Variants in FNIP1 observed in about 807,000 individuals in gnomAD.
FNIP1 encodes the protein folliculin-interacting protein 1.
In FNIP1, 40 loss-of-function variants were observed where a neutral mutation model predicts 124.5. The ratio of observed to expected loss-of-function variants is 0.32; its 90% CI spans 0.25 to 0.42. The LOEUF (loss-of-function observed/expected upper bound fraction) is 0.42, where lower values mean the gene tolerates loss of function less well. FNIP1 is among the 10% of genes least tolerant of loss of function. FNIP1 has a pLI of 1.00. For synonymous variants in FNIP1, 472 were observed against 470.6 expected, an observed-to-expected ratio of 1.00 and a Z score of -0.04; for missense variants, 1,176 against 1,403.7, an observed-to-expected ratio of 0.84 and a Z score of 2.59.
intron 2 of FNIP1, among the ~76,000 whole-genome samples, chr5:131,737,838 G>C (rs1770365626): frequency 6.6e-6 from 1 of 152,160 alleles, no homozygotes; most frequent in Non-Finnish European, 1.5e-5. Context: ...AGTTCCATGA[G>C]GAAAAGGACT....
At chr5:131,776,996 A>ATGAGGTGGGAGGATCGCT (rs1420809335) in intron 1 of FNIP1, among the ~76,000 whole-genome samples, 2 of 152,044 alleles carry the variant, frequency 1.3e-5, no homozygotes, top group African/African-American at 2.4e-5. Flanking sequence ...CTCTGGGAGG[A>ATGAGGTGGGAGGATCGCT]TGAGGTGGGA....
At chr5:131,775,108 T>A (rs1345701807) in intron 1 of FNIP1, among the ~76,000 whole-genome samples, 4 of 152,220 alleles carry the variant, frequency 2.6e-5, no homozygotes, top group Admixed American at 6.5e-5. Flanking sequence ...AAAATACTTA[T>A]GATCAAAGAA....
intron 12 of FNIP1, among the ~76,000 whole-genome samples, chr5:131,678,602 A>G (rs867361344): frequency 3.0e-4 from 23 of 77,890 alleles, no homozygotes; most frequent in African/African-American, 1.1e-3. Flanking sequence ...TAGTAGAGAC[A>G]GGGTTTCACC....
Position 131,671,990 on chromosome 5 carries a change from G to C in FNIP1, c.2454C>G (p.Pro818=). The C allele has an allele frequency of 1.2e-6, 2 of 1,614,118 alleles. No homozygotes were observed. The highest frequency in any genetic ancestry group is 1.7e-6 in the Non-Finnish European group (2 of 1,180,014). The part of the protein sequence containing the change: ...SDTQNMVSEE[P]CELPCWNHSD... ...AATGATTCCAACAGGGAAGTTCACA[G>C]GGCTCTTCAGAAACCATGTTCTGTG... Residue 818 remains proline, a synonymous_variant, in exon 14 of 18, where the codon CCC becomes CCG. Transcript: ENST00000510461.
intron 6 of FNIP1, 62 bp from the exon 7 acceptor site, chr5:131,710,723 A>C: frequency 6.9e-7 from 1 of 1,447,022 alleles, no homozygotes; most frequent in Non-Finnish European, 9.5e-7. Flanking sequence ...ACAATGCGTC[A>C]GGGAAAAAAG....
chr5:131,733,769 G>A (rs1482537622), intron 2 of FNIP1, among the ~76,000 whole-genome samples: 1 of 152,158 alleles, frequency 6.6e-6, no homozygotes, highest in African/African-American at 2.4e-5. Context: ...ATATTCATCA[G>A]GGATATTGGT....
rs770020586 is a variant in FNIP1 at position 131,796,939 on chromosome 5, A to G, written c.-18T>C. 1 of 1,587,134 alleles carries G rather than the reference A, an allele frequency of 6.3e-7. No homozygotes were observed. Among genetic ancestry groups the G allele is most frequent in the Non-Finnish European group, 8.6e-7 (1 of 1,167,086 alleles). On this transcript the variant is annotated 5_prime_UTR_variant, in exon 1 of 18. Transcript: ENST00000510461. The stretch of plus-strand genomic sequence containing the variant: ...GGGGCCATGCTAGCCACGGCCAGGC[A>G]GGGGTCGCTCCGCTGGGCGCTTGCT...
chr5:131,700,453 T>A (rs186409158), intron 10 of FNIP1, among the ~76,000 whole-genome samples: 10 of 149,610 alleles, frequency 6.7e-5, no homozygotes, highest in African/African-American at 2.3e-4. Context: ...TGATTAAATA[T>A]TGTTTAAAAA....
At chr5:131,729,614 G>C (rs988163133) in intron 3 of FNIP1, among the ~76,000 whole-genome samples, 5 of 152,124 alleles carry the variant, frequency 3.3e-5, no homozygotes, top group Non-Finnish European at 5.9e-5. Context: ...GTCTCACTCT[G>C]TCACCCAGGG....
At chr5:131,688,780 G>C (rs1296445194) in intron 11 of FNIP1, among the ~76,000 whole-genome samples, 1 of 146,876 alleles carries the variant, frequency 6.8e-6, no homozygotes, top group Non-Finnish European at 1.5e-5. Context: ...ACCAAGGAAA[G>C]AATCAATGAA....
chr5:131,714,264 A>G (rs10070081), intron 6 of FNIP1, among the ~76,000 whole-genome samples: 13,193 of 152,170 alleles, frequency 0.087, 1,251 homozygotes, highest in African/African-American at 0.24. Context: ...AGACACTTCC[A>G]GTCAACATTC....
chr5:131,661,438 C>T (rs1371260652), intron 15 of FNIP1, among the ~76,000 whole-genome samples: 1 of 152,044 alleles, frequency 6.6e-6, no homozygotes, highest in Non-Finnish European at 1.5e-5. Context: ...AGAGGTCATC[C>T]CTCCCTACCT....
In FNIP1 at chr5:131,672,064, G is replaced by A. The variant is rs1767771629; in HGVS notation, c.2380C>T (p.His794Tyr). 6.2e-7 allele frequency: 1 copy of A among 1,614,124 alleles called. No individual in the cohort carries two copies. Among genetic ancestry groups the A allele is most frequent in the Non-Finnish European group, 8.5e-7 (1 of 1,180,014 alleles). The change falls in exon 14 of 18, where the codon CAT becomes TAT. Residue 794 changes from histidine to tyrosine, a missense_variant. Physicochemically the swap from His to Tyr is moderately conservative, Grantham distance 83. This residue lies in a region of FNIP1 where 1,109 missense variants were observed against 1,288.5 expected (regional missense o/e 0.86). Transcript: ENST00000510461. Reference protein sequence around the residue: ...LKEERGAIDQHQETKQTTKDQ... With the variant: ...LKEERGAIDQYQETKQTTKDQ... ...TTGGTTGTTTGTTTAGTTTCTTGAT[G>A]CTGATCAATAGCCCCTCTTTCTTCC...
At chr5:131,668,937 G>C (rs1253892491) in intron 15 of FNIP1, among the ~76,000 whole-genome samples, 1 of 152,122 alleles carries the variant, frequency 6.6e-6, no homozygotes, top group Non-Finnish European at 1.5e-5. Context: ...GTGAAACCAC[G>C]AATGAACTTC....
intron 2 of FNIP1, among the ~76,000 whole-genome samples, chr5:131,737,518 C>T (rs563120324): frequency 3.2e-4 from 48 of 152,278 alleles, no homozygotes; most frequent in African/African-American, 1.1e-3. Flanking sequence ...TAACTCTTAA[C>T]GCATTTTTCC....
chr5:131,788,694 CAAA>C (rs10715343), intron 1 of FNIP1, among the ~76,000 whole-genome samples: 3 of 58,132 alleles, frequency 5.2e-5, no homozygotes, highest in African/African-American at 1.1e-4. Context: ...GACTCTGTCT[CAAA>C]AAAAAAAAAA....
At position 131,672,312 on chromosome 5, in the gene FNIP1, A is replaced by G. The variant is rs1767782945; in HGVS notation, c.2132T>C (p.Leu711Ser). 6.2e-7 allele frequency: 1 copy of G among 1,614,096 alleles called. No individual in the cohort carries two copies. Among genetic ancestry groups the G allele is most frequent in the African/African-American group, 1.3e-5 (1 of 75,014 alleles). Residue 711 changes from leucine (L) to serine (S), a missense_variant, in exon 14 of 18, where the codon TTG becomes TCG. By Grantham distance (145) the Leu-to-Ser change is moderately radical. Transcript: ENST00000510461. ...GCCTGTGTGACTGTCTGAATCCAGC[A>G]ACTTCTCACTCTGCCATGTTTCCTC... ...STEETWQSEK[L>S]LDSDSHTGKA...
At chr5:131,730,842 C>G in intron 3 of FNIP1, 62 bp downstream of exon 3, 1 of 1,399,380 alleles carries the variant, frequency 7.1e-7, no homozygotes, top group Non-Finnish European at 9.8e-7. Flanking sequence ...CCACAGTCCA[C>G]TGGATGATGT....
At chr5:131,689,849 A>T (rs557594069) in intron 11 of FNIP1, among the ~76,000 whole-genome samples, 1 of 152,362 alleles carries the variant, frequency 6.6e-6, no homozygotes, top group South Asian at 2.1e-4. Flanking sequence ...TTAATACACC[A>T]GTTAAAAGGC....
Sources: allele counts gnomAD v4.1 joint callset (sites outside exome capture counted in the v4.1 genomes callset), GRCh38; gene constraint gnomAD v4.1.1; regional missense constraint gnomAD v4.1.1; transcripts MANE v1.5; gene names NCBI Gene and HGNC (gene_info 2026-07-23, HGNC 2026-07-21).